Variants in NDUFAF6 observed in about 807,000 individuals in gnomAD.
The protein encoded by NDUFAF6 is NADH dehydrogenase (ubiquinone) complex I, assembly factor 6.
NDUFAF6 carries 45 observed loss-of-function variants against 40.8 expected under a neutral mutation model. That is an observed-to-expected ratio of 1.10 (90% CI 0.87 to 1.42). The LOEUF (loss-of-function observed/expected upper bound fraction) is 1.42, where lower values mean the gene tolerates loss of function less well. NDUFAF6 is among the 40% of genes most tolerant of loss of function. The pLI, the probability that NDUFAF6 is intolerant of heterozygous loss-of-function variation, is 0.00. For missense variants in NDUFAF6, 435 were observed against 418.5 expected, an observed-to-expected ratio of 1.04 and a Z score of -0.34; for synonymous variants, 185 against 155.9, an observed-to-expected ratio of 1.19 and a Z score of -1.39.
At chr8:95,107,680 A>G (rs1463995214), downstream of NDUFAF6, among the ~76,000 whole-genome samples, 1 of 152,236 alleles carries the variant, frequency 6.6e-6, no homozygotes, top group East Asian at 1.9e-4. Flanking sequence ...TGATAATTGT[A>G]TCTGAGTAAA....
intron 1 of NDUFAF6, among the ~76,000 whole-genome samples, chr8:95,030,977 C>G (rs768176646): frequency 3.3e-5 from 5 of 152,150 alleles, no homozygotes; most frequent in Non-Finnish European, 7.4e-5. Flanking sequence ...TTTAAGCAAC[C>G]AGCTGTAGCG....
Position 95,017,138 on chromosome 8 carries a change from C to A in NDUFAF6, c.-83-14857C>A, listed in dbSNP as rs542190962. Among the ~76,000 whole-genome samples, 3 of 125,490 alleles carry A rather than the reference C, an allele frequency of 2.4e-5. No homozygotes were observed. The South Asian group carries it at 7.5e-4, about 31-fold the overall frequency. 82.3% of individuals were successfully genotyped at this position (125,490 alleles called of 152,430 possible). A position where few individuals can be genotyped will look rare whatever the true frequency, so the allele number is the denominator to read the frequency against. ...TTTTTTTTTTGGGGACATGGGGTTT[C>A]ACCATGTTTCCAGGCTGGCCTCAAA... On this transcript the variant is annotated intron_variant, in intron 2 of 9. Coordinates refer to the NDUFAF6 transcript ENST00000396111.
At position 94,927,490 on chromosome 8, in the gene NDUFAF6, A is replaced by G. The variant is rs569203891; in HGVS notation, c.-935-17993A>G. 4.6e-5 allele frequency: 7 copies of G among 152,300 alleles called. No homozygotes were observed. The South Asian group carries it at 1.5e-3, about 32-fold the overall frequency. 9.4% of individuals were successfully genotyped at this position (152,300 alleles called of 1,614,324 possible). On this transcript the variant is annotated intron_variant, in intron 1 of 14. Transcript: ENST00000396113. ...GATTGGAAAAATGTATAGGAAATTAATATTTCTTAAAAGCTCCCTGCGATA... is the reference window on the plus strand; with the variant it reads ...GATTGGAAAAATGTATAGGAAATTAGTATTTCTTAAAAGCTCCCTGCGATA...
intron 2 of NDUFAF6, among the ~76,000 whole-genome samples, chr8:95,087,287 G>T (rs1809083701): frequency 6.6e-6 from 1 of 152,088 alleles, no homozygotes; most frequent in African/African-American, 2.4e-5. Flanking sequence ...CCCACTGACT[G>T]CTTCTTATAC....
chr8:94,931,494 A>C (rs563822215), intron 1 of NDUFAF6, among the ~76,000 whole-genome samples: 1 of 152,292 alleles, frequency 6.6e-6, no homozygotes, highest in African/African-American at 2.4e-5. Context: ...AACACGTAAC[A>C]TGAAGAGCTG....
chr8:94,930,955 GCTCA>G (rs1440109476), intron 1 of NDUFAF6, among the ~76,000 whole-genome samples: 2 of 152,150 alleles, frequency 1.3e-5, no homozygotes, highest in Non-Finnish European at 2.9e-5. Context: ...GCCCCAGATG[GCTCA>G]CTAAGTAGAC....
intron 1 of NDUFAF6, among the ~76,000 whole-genome samples, chr8:95,030,250 A>C (rs148334072): frequency 1.4e-3 from 213 of 151,330 alleles, no homozygotes; most frequent in Admixed American, 3.3e-3. Context: ...TATTTTAGAG[A>C]CAGGATCTCC....
Position 94,933,184 on chromosome 8 carries a change from C to T in NDUFAF6, c.-935-12299C>T, listed in dbSNP as rs377526806. 5.2e-4 allele frequency among the ~76,000 whole-genome samples: 79 copies of T among 152,308 alleles called. No homozygotes were observed. The South Asian group carries it at 0.01, about 20-fold the overall frequency. On this transcript the variant is annotated intron_variant, in intron 1 of 14. Coordinates refer to the NDUFAF6 transcript ENST00000396113. ...TGAGCCGAGATTGCGCCGCTGCAATCCAGCCTGGGCAACAGTGAGACTCCG... is the reference window on the plus strand; with the variant it reads ...TGAGCCGAGATTGCGCCGCTGCAATTCAGCCTGGGCAACAGTGAGACTCCG...
intron 1 of NDUFAF6, among the ~76,000 whole-genome samples, chr8:94,976,826 T>C (rs1221509677): frequency 1.3e-5 from 2 of 152,174 alleles, no homozygotes; most frequent in Admixed American, 6.5e-5. Flanking sequence ...ACAATGCGAA[T>C]GTACTTAATA....
intron 1 of NDUFAF6, among the ~76,000 whole-genome samples, chr8:94,961,409 C>G (rs28591375): frequency 0.51 from 77,017 of 152,092 alleles, 19,922 homozygotes; most frequent in East Asian, 0.72. Flanking sequence ...AATGAAGTCA[C>G]AGCAACCATT....
intron 1 of NDUFAF6, among the ~76,000 whole-genome samples, chr8:94,905,849 C>G (rs760624685): frequency 2.0e-5 from 3 of 152,190 alleles, no homozygotes; most frequent in Non-Finnish European, 2.9e-5. Context: ...ATGGCACCTG[C>G]CCACACGTTG....
intron 7 of NDUFAF6, among the ~76,000 whole-genome samples, chr8:95,051,735 T>C (rs1170913868): frequency 6.6e-6 from 1 of 152,118 alleles, no homozygotes; most frequent in Non-Finnish European, 1.5e-5. Flanking sequence ...AATGATGATG[T>C]GAGGACATTA....
chr8:94,930,337 A>G, intron 1 of NDUFAF6: 2 of 1,193,498 alleles, frequency 1.7e-6, no homozygotes, highest in South Asian at 3.1e-5. Flanking sequence ...CTGATTTTCA[A>G]GATAGTGTCT....
At chr8:94,907,443 A>C (rs551638682) in intron 1 of NDUFAF6, among the ~76,000 whole-genome samples, 1 of 152,314 alleles carries the variant, frequency 6.6e-6, no homozygotes, top group South Asian at 2.1e-4. Context: ...AGATAGATTC[A>C]AAGGACCCTA....
intron 1 of NDUFAF6, chr8:94,940,816 C>G: frequency 6.3e-7 from 1 of 1,590,258 alleles, no homozygotes; most frequent in Non-Finnish European, 8.6e-7. Context: ...ACCAAGTAAC[C>G]AAGTGTACCT....
intron 2 of NDUFAF6, among the ~76,000 whole-genome samples, chr8:94,990,810 C>T (rs1445864375): frequency 6.6e-6 from 1 of 152,232 alleles, no homozygotes; most frequent in East Asian, 1.9e-4. Context: ...CTAGGACACA[C>T]AAGGGAAGCT....
chr8:94,962,614 T>G (rs71504372), intron 1 of NDUFAF6, among the ~76,000 whole-genome samples: 1 of 73,504 alleles, frequency 1.4e-5, no homozygotes, highest in African/African-American at 3.9e-5. Flanking sequence ...TTTTTGTTTT[T>G]TGTTTTTTTT....
chr8:95,039,108 C>T (rs1285898961), intron 3 of NDUFAF6, among the ~76,000 whole-genome samples: 1 of 151,788 alleles, frequency 6.6e-6, no homozygotes, highest in Non-Finnish European at 1.5e-5. Flanking sequence ...TCCCAAGTAG[C>T]CGGGACTACA....
chr8:95,051,391 A>C (rs1831408314), intron 7 of NDUFAF6, among the ~76,000 whole-genome samples: 1 of 152,190 alleles, frequency 6.6e-6, no homozygotes, highest in Non-Finnish European at 1.5e-5. Context: ...AAGAGAAAAG[A>C]TAGATGTGGT....
Sources: gnomAD v4.1 joint callset for allele counts (sites outside exome capture counted in the v4.1 genomes callset) on GRCh38, gnomAD v4.1.1 for gene constraint, MANE v1.5 for transcripts, NCBI Gene and HGNC (gene_info 2026-07-23, HGNC 2026-07-21) for gene names.